FOXN3: variants seen among roughly 807,000 people sequenced by gnomAD.
FOXN3 encodes the protein forkhead box protein N3.
A neutral mutation model predicts 38.4 loss-of-function variants in FOXN3; 7 were observed. The ratio of observed to expected loss-of-function variants is 0.18; its 90% CI spans 0.10 to 0.34. The LOEUF is 0.34. FOXN3 is among the 10% of genes least tolerant of loss of function. FOXN3 has a pLI of 1.00. For missense variants in FOXN3, 456 were observed against 613.4 expected, an observed-to-expected ratio of 0.74 and a Z score of 2.71; for synonymous variants, 230 against 242.2, an observed-to-expected ratio of 0.95 and a Z score of 0.47.
chr14:89,288,251 C>T (rs1163660535), intron 3 of FOXN3, among the ~76,000 whole-genome samples: 2 of 152,100 alleles, frequency 1.3e-5, no homozygotes, highest in East Asian at 3.9e-4. Flanking sequence ...AACACTATAA[C>T]TGAGTGTGTG....
chr14:89,576,594 A>C (rs927857643), intron 1 of FOXN3: 3 of 152,242 alleles, frequency 2.0e-5, no homozygotes, highest in African/African-American at 7.2e-5. Flanking sequence ...TAAGATGAAA[A>C]TACCATCAGA....
chr14:89,473,705 G>A (rs76156547), intron 1 of FOXN3, among the ~76,000 whole-genome samples: 2,961 of 152,244 alleles, frequency 0.019, 84 homozygotes, highest in African/African-American at 0.068. Context: ...ATTCACTCTT[G>A]TAGATGTCAG....
chr14:89,579,344 C>G (rs780384463), intron 1 of FOXN3, among the ~76,000 whole-genome samples: 1 of 150,960 alleles, frequency 6.6e-6, no homozygotes, highest in Non-Finnish European at 1.5e-5. Flanking sequence ...TTTGTAGAGA[C>G]GGGGTCTCAC....
chr14:89,208,719 G>T (rs1732902679), intron 4 of FOXN3, among the ~76,000 whole-genome samples: 1 of 152,126 alleles, frequency 6.6e-6, no homozygotes, highest in African/African-American at 2.4e-5. Context: ...TCAGTTCTAA[G>T]CACAGAATAA....
chr14:89,363,511 GAT>G (rs35768846), intron 2 of FOXN3, among the ~76,000 whole-genome samples: 124,392 of 152,036 alleles, frequency 0.82, 51,083 homozygotes, highest in African/African-American at 0.85. Context: ...TGTGTTACTG[GAT>G]GGACAAACCA....
At chr14:89,369,652 G>C (rs1483999601) in intron 2 of FOXN3, among the ~76,000 whole-genome samples, 3 of 151,952 alleles carry the variant, frequency 2.0e-5, no homozygotes, top group Non-Finnish European at 2.9e-5. Flanking sequence ...ACATGGCAGA[G>C]AACAAGAGAG....
chr14:89,344,420 T>C (rs1329865601), intron 3 of FOXN3, among the ~76,000 whole-genome samples: 2 of 152,136 alleles, frequency 1.3e-5, no homozygotes, highest in Non-Finnish European at 2.9e-5. Flanking sequence ...AAACCAATCA[T>C]CCAGGAAACT....
intron 2 of FOXN3, among the ~76,000 whole-genome samples, chr14:89,374,769 A>C (rs1341372239): frequency 6.6e-6 from 1 of 151,972 alleles, no homozygotes; most frequent in Non-Finnish European, 1.5e-5. Flanking sequence ...TAAGAGTTCG[A>C]GACCAGCCTG....
chr14:89,161,556 CGTGT>C lies in FOXN3; in HGVS notation c.*854_*857del, dbSNP rs368359011. 0.06 allele frequency: 6,547 copies of C among 109,384 alleles called. 185 individuals carry two copies. The highest frequency in any genetic ancestry group is 0.086 in the Non-Finnish European group (4,220 of 48,810). 6.8% of individuals were successfully genotyped at this position (109,384 alleles called of 1,614,324 possible). On this transcript the variant is annotated 3_prime_UTR_variant, in exon 6 of 6. Coordinates refer to ENST00000557258, the MANE Select transcript of FOXN3 (RefSeq NM_005197.4). ...CCATCAGTTTTCTCTCTCTCTCCTT[CGTGT>C]GTGTGTGTGTGTGTGTGTGTGTGTG...
At chr14:89,526,107 T>C (rs756827590) in intron 1 of FOXN3, among the ~76,000 whole-genome samples, 5 of 127,162 alleles carry the variant, frequency 3.9e-5, no homozygotes, top group African/African-American at 8.4e-5. Context: ...AAACTAGGAA[T>C]AGAAGGAACT....
In FOXN3 at chr14:89,501,533, G is replaced by A. The variant is rs769371782; in HGVS notation, c.-14-89043C>T. Among the ~76,000 whole-genome samples the A allele has an allele frequency of 2.6e-5, 4 of 152,130 alleles. No homozygotes were observed. In the East Asian group the frequency reaches 7.7e-4, roughly 29 times the overall value. ...CTAATCAGAGGGAACGAGGAGAAAGGATATGAAGGGCTTGCTCCTTCATTT... is the reference window on the plus strand; with the variant it reads ...CTAATCAGAGGGAACGAGGAGAAAGAATATGAAGGGCTTGCTCCTTCATTT... On this transcript the variant is annotated intron_variant, in intron 1 of 6. Transcript: ENST00000345097.
intron 4 of FOXN3, among the ~76,000 whole-genome samples, chr14:89,213,793 C>G (rs1261532665): frequency 7.2e-6 from 1 of 138,906 alleles, no homozygotes; most frequent in East Asian, 2.1e-4. Context: ...GGAAATTTGA[C>G]AACTATGTTT....
chr14:89,289,953 C>CT (rs1008138645), intron 3 of FOXN3, among the ~76,000 whole-genome samples: 1 of 152,032 alleles, frequency 6.6e-6, no homozygotes, highest in African/African-American at 2.4e-5. Context: ...GAACAGACTT[C>CT]TTTTTTTTCC....
rs10581958 is a variant in FOXN3 at position 89,613,116 on chromosome 14, CAAAA to C, written c.-15+5908_-15+5911del. ...TGGGCGACAGAGCAAGACTCTGTCT[CAAAA>C]AAAAAAAAAAAAAAAAAAAAACTCT... On this transcript the variant is annotated intron_variant, in intron 1 of 6. Coordinates refer to the FOXN3 transcript ENST00000345097. Among the ~76,000 whole-genome samples, 480 of 74,526 alleles carry C rather than the reference CAAAA, an allele frequency of 6.4e-3. 1 individual carries two copies. Among genetic ancestry groups the C allele is most frequent in the African/African-American group, 0.023 (349 of 15,016 alleles). 48.9% of individuals were successfully genotyped at this position (74,526 alleles called of 152,430 possible). A position where few individuals can be genotyped will look rare whatever the true frequency, so the allele number is the denominator to read the frequency against.
intron 3 of FOXN3, among the ~76,000 whole-genome samples, chr14:89,337,607 G>A (rs544073439): frequency 2.6e-5 from 4 of 151,272 alleles, no homozygotes; most frequent in East Asian, 3.9e-4. Flanking sequence ...CTGCACCACC[G>A]TCAGCACATT....
intron 1 of FOXN3, among the ~76,000 whole-genome samples, chr14:89,535,252 T>C (rs946723797): frequency 3.3e-5 from 5 of 151,750 alleles, no homozygotes; most frequent in African/African-American, 1.2e-4. Context: ...AAATCTACTC[T>C]AAAAGATCTT....
At chr14:89,190,650 C>T (rs1887918523) in intron 4 of FOXN3, among the ~76,000 whole-genome samples, 1 of 152,158 alleles carries the variant, frequency 6.6e-6, no homozygotes, top group Non-Finnish European at 1.5e-5. Context: ...ATTTAAGGAT[C>T]ATGTTAGTAA....
intron 1 of FOXN3, among the ~76,000 whole-genome samples, chr14:89,546,198 A>T (rs1023107668): frequency 2.6e-5 from 4 of 152,060 alleles, no homozygotes; most frequent in Non-Finnish European, 5.9e-5. Flanking sequence ...TTTGTATGGG[A>T]GTGCTTTTTG....
rs142408860 is a variant in FOXN3 at position 89,606,299 on chromosome 14, A to T, written c.-15+12729T>A. On this transcript the variant is annotated intron_variant, in intron 1 of 6. Coordinates refer to the FOXN3 transcript ENST00000345097. ...AATACCACTTCCAGATAAACAGATG[A>T]CTACTATCAGAAGGTAACTACTATT... is the stretch of plus-strand genomic sequence containing the variant. Among the ~76,000 whole-genome samples, 245 of 152,324 alleles carry T rather than the reference A, an allele frequency of 1.6e-3. 1 individual carries two copies. Among genetic ancestry groups the T allele is most frequent in the African/African-American group, 5.5e-3 (230 of 41,572 alleles).
Sources: gnomAD v4.1 joint callset for allele counts (sites outside exome capture counted in the v4.1 genomes callset) on GRCh38, gnomAD v4.1.1 for gene constraint, MANE v1.5 for transcripts, NCBI Gene and HGNC (gene_info 2026-07-23, HGNC 2026-07-21) for gene names.